Variants in CALN1 observed in about 807,000 individuals in gnomAD.
CALN1 encodes the protein calcium-binding protein 8.
Under a neutral mutation model 30.6 loss-of-function variants are expected in CALN1, and 17 were observed. The observed-to-expected ratio is 0.56, with a 90% CI of 0.38 to 0.83. CALN1 has a LOEUF of 0.83. Among genes scored for constraint, CALN1 ranks in the 40% least tolerant of loss-of-function variants. The probability of loss-of-function intolerance (pLI) is 0.00; values close to 1 mark genes in which losing one functional copy is unlikely to be tolerated. For synonymous variants in CALN1, 156 were observed against 131.4 expected, an observed-to-expected ratio of 1.19 and a Z score of -1.28; for missense variants, 291 against 354.9, an observed-to-expected ratio of 0.82 and a Z score of 1.45.
intron 5 of CALN1, among the ~76,000 whole-genome samples, chr7:71,869,808 A>T (rs775238068): frequency 2.0e-5 from 3 of 152,120 alleles, no homozygotes; most frequent in Non-Finnish European, 2.9e-5. Flanking sequence ...GTGTAATACA[A>T]TTGGAAGATG....
chr7:72,098,760 GCGCGCACACACACACACACACA>G (rs1327053840), intron 4 of CALN1, among the ~76,000 whole-genome samples: 19 of 101,366 alleles, frequency 1.9e-4, no homozygotes, highest in Non-Finnish European at 2.8e-4. Flanking sequence ...AGCCCATTTG[GCGCGCACACACACACACACACA>G]CACACACACA....
intron 2 of CALN1, among the ~76,000 whole-genome samples, chr7:72,388,680 T>TA (rs1427461140): frequency 1.3e-5 from 2 of 152,192 alleles, no homozygotes; most frequent in Non-Finnish European, 2.9e-5. Flanking sequence ...GCCCTCTCCC[T>TA]AAAAGATGGC....
rs1378449541 is a variant in CALN1, at chr7:71,850,883, T to C, written c.502-40391A>G. Among the ~76,000 whole-genome samples, 4 of 151,900 alleles carry C rather than the reference T, an allele frequency of 2.6e-5. No homozygotes were observed. In the East Asian group the frequency reaches 5.8e-4, roughly 22 times the overall value. On this transcript the variant is annotated intron_variant, in intron 5 of 6. Coordinates refer to ENST00000395275, the MANE Select transcript of CALN1 (RefSeq NM_031468.4). The stretch of plus-strand genomic sequence containing the variant: ...GTACTCAATACATATTTGAAATGAA[T>C]GAAAAAACAGAATACCATTTATGTA...
intron 5 of CALN1, among the ~76,000 whole-genome samples, chr7:71,963,643 C>T (rs1402751248): frequency 6.6e-6 from 1 of 152,140 alleles, no homozygotes; most frequent in Non-Finnish European, 1.5e-5. Flanking sequence ...TATCGTCTCT[C>T]CTTGGTCCCC....
intron 5 of CALN1, among the ~76,000 whole-genome samples, chr7:72,021,726 G>A (rs1245193543): frequency 1.3e-5 from 2 of 152,022 alleles, no homozygotes; most frequent in African/African-American, 2.4e-5. Flanking sequence ...ACCTTCCCTC[G>A]GTGAGCTCAT....
In CALN1 at chr7:72,155,523, A is replaced by C. The variant is rs1029884477; in HGVS notation, c.245-49229T>G. On this transcript the variant is annotated intron_variant, in intron 3 of 6. Coordinates refer to ENST00000395275, the MANE Select transcript of CALN1 (RefSeq NM_031468.4). ...AAAAAAAAGAGAGAGAGAAAAAGAA[A>C]AAGAAAATGTGTGTTGTTTAAGCCA... Among the ~76,000 whole-genome samples the C allele has an allele frequency of 3.3e-5, 5 of 152,094 alleles. No homozygotes were observed. The South Asian group carries it at 1.0e-3, about 32-fold the overall frequency.
chr7:71,852,471 TAAAAAAAAAAA>T (rs35252557), intron 5 of CALN1, among the ~76,000 whole-genome samples: 1 of 118,638 alleles, frequency 8.4e-6, no homozygotes, highest in Non-Finnish European at 1.7e-5. Context: ...ACCCTGTCTC[TAAAAAAAAAAA>T]AAAAAAAAAA....
At chr7:71,885,335 G>A (rs1792836832) in intron 5 of CALN1, among the ~76,000 whole-genome samples, 1 of 152,106 alleles carries the variant, frequency 6.6e-6, no homozygotes, top group Non-Finnish European at 1.5e-5. Flanking sequence ...TGTATTTTTA[G>A]TAGAGATGGG....
the CALN1 span, among the ~76,000 whole-genome samples, chr7:72,465,349 T>C: frequency 2.0e-5 from 3 of 152,178 alleles, no homozygotes; most frequent in Non-Finnish European, 2.9e-5. Flanking sequence ...CCCAAATGCA[T>C]GCTATGTTGT....
chr7:71,966,505 G>C (rs1262507442), intron 5 of CALN1, among the ~76,000 whole-genome samples: 1 of 152,102 alleles, frequency 6.6e-6, no homozygotes, highest in African/African-American at 2.4e-5. Context: ...TCATTTAAAA[G>C]TGTGTGGCAC....
At chr7:72,242,254 C>G (rs1210410625) in intron 3 of CALN1, among the ~76,000 whole-genome samples, 1 of 152,090 alleles carries the variant, frequency 6.6e-6, no homozygotes, top group East Asian at 1.9e-4. Context: ...ATGGCTATAC[C>G]ACATTCTTTC....
chr7:71,863,205 G>A (rs1228406651), intron 5 of CALN1, among the ~76,000 whole-genome samples: 2 of 152,062 alleles, frequency 1.3e-5, no homozygotes, highest in Non-Finnish European at 2.9e-5. Context: ...GCTGCAGTGA[G>A]CCATGATCGC....
intron 5 of CALN1, among the ~76,000 whole-genome samples, chr7:71,828,825 G>A (rs190615319): frequency 9.9e-5 from 15 of 151,380 alleles, no homozygotes; most frequent in Non-Finnish European, 1.6e-4. Context: ...CTTGACTCAT[G>A]GCAACCTCCG....
At chr7:72,457,883 G>A in the CALN1 span, among the ~76,000 whole-genome samples, 1 of 151,384 alleles carries the variant, frequency 6.6e-6, no homozygotes, top group Non-Finnish European at 1.5e-5. Context: ...AGCCTCCTGA[G>A]TAGCTGAGAC....
intron 2 of CALN1, among the ~76,000 whole-genome samples, chr7:72,316,701 C>T (rs1800470107): frequency 6.6e-6 from 1 of 151,850 alleles, no homozygotes; most frequent in African/African-American, 2.4e-5. Flanking sequence ...TTTGGGAGGC[C>T]GAGGTGGGAG....
intron 5 of CALN1, among the ~76,000 whole-genome samples, chr7:71,983,229 A>G (rs1398507095): frequency 6.6e-6 from 1 of 151,830 alleles, no homozygotes; most frequent in Non-Finnish European, 1.5e-5. Context: ...TCACTCTTAA[A>G]CTCACTTCTT....
At chr7:72,301,366 G>A (rs1799249053) in intron 2 of CALN1, among the ~76,000 whole-genome samples, 1 of 151,968 alleles carries the variant, frequency 6.6e-6, no homozygotes, top group Non-Finnish European at 1.5e-5. Flanking sequence ...CCACCACTTT[G>A]GGAGGCCGAG....
At chr7:72,167,669 T>G (rs1788624835) in intron 3 of CALN1, among the ~76,000 whole-genome samples, 1 of 152,230 alleles carries the variant, frequency 6.6e-6, no homozygotes, top group Admixed American at 6.5e-5. Context: ...ACACTGCTAG[T>G]CACATGCTCT....
chr7:72,357,271 A>AC (rs563535562), intron 2 of CALN1, among the ~76,000 whole-genome samples: 2 of 151,468 alleles, frequency 1.3e-5, no homozygotes, highest in South Asian at 2.1e-4. Context: ...GCTAACACAA[A>AC]CCCCCCGACC....
Sources: gnomAD v4.1 joint callset for allele counts (sites outside exome capture counted in the v4.1 genomes callset) on GRCh38, gnomAD v4.1.1 for gene constraint, MANE v1.5 for transcripts, NCBI Gene and HGNC (gene_info 2026-07-23, HGNC 2026-07-21) for gene names.